Variants in TLDC2 observed in about 807,000 individuals in gnomAD.
The protein encoded by TLDC2 is TBC/LysM-associated domain containing 2.
In TLDC2, 23 loss-of-function variants were observed where a neutral mutation model predicts 27.9. The ratio of observed to expected loss-of-function variants is 0.82; its 90% confidence interval spans 0.59 to 1.17. The LOEUF is 1.17. Ranked by LOEUF, TLDC2 falls within the 50% of genes most tolerant of loss-of-function variation. The probability of loss-of-function intolerance (pLI) is 0.00; values close to 1 mark genes in which losing one functional copy is unlikely to be tolerated. For missense variants in TLDC2, 286 were observed against 273.4 expected, an observed-to-expected ratio of 1.05 and a Z score of -0.32; for synonymous variants, 124 against 107.4, an observed-to-expected ratio of 1.16 and a Z score of -0.96.
intron 6 of TLDC2, chr20:36,890,170 T>C (rs1006758032): frequency 1.3e-5 from 2 of 152,170 alleles, no homozygotes; most frequent in African/African-American, 2.4e-5. Context: ...ATGAGTAATA[T>C]GCATTTTTGG....
intron 3 of TLDC2, among the ~76,000 whole-genome samples, chr20:36,880,060 T>TATATATATAC: frequency 1.0e-5 from 1 of 99,292 alleles, no homozygotes; most frequent in South Asian, 3.6e-4. Context: ...TTGTGTAGAA[T>TATATATATAC]ATATATATAC....
rs867563504 is a variant in TLDC2 at position 36,876,223 on chromosome 20, C to T, written c.33+16C>T. On this transcript the variant is annotated intron_variant, in intron 1 of 6. Transcript: ENST00000217320. ...CACTCGGCTGGTAAGGGTTCCAACT[C>T]CGTCTGTGGTGCAGGTTGGGAGGTG... is the stretch of plus-strand genomic sequence containing the variant. The T allele has an allele frequency of 6.2e-7, 1 of 1,614,156 alleles. No individual in the cohort carries two copies. Among genetic ancestry groups the T allele is most frequent in the Non-Finnish European group, 8.5e-7 (1 of 1,180,008 alleles).
At position 36,878,003 on chromosome 20, in the gene TLDC2, G is replaced by GC; in HGVS notation, c.142dup (p.Gln48ProfsTer102). 6.2e-7 allele frequency: 1 copy of GC among 1,614,100 alleles called. No homozygotes were observed. The highest frequency in any genetic ancestry group is 8.5e-7 in the Non-Finnish European group (1 of 1,179,986). On this transcript the variant is annotated frameshift_variant, in exon 2 of 7. Coordinates refer to ENST00000217320, the MANE Select transcript of TLDC2 (RefSeq NM_080628.3). LOFTEE classifies it high-confidence loss of function. The stretch of plus-strand genomic sequence containing the variant: ...CTGCTGCTCCTGAGGATCCCACGGT[G>GC]CCCCAGCTGACAGAAGCCAGCCAGG...
chr20:36,886,973 G>A (rs1044539011), intron 4 of TLDC2, among the ~76,000 whole-genome samples: 2 of 152,204 alleles, frequency 1.3e-5, no homozygotes, highest in South Asian at 4.1e-4. Flanking sequence ...GGATGCAGAG[G>A]GACCAGCTGG....
chr20:36,878,391 G>A (rs936685376), intron 2 of TLDC2, among the ~76,000 whole-genome samples: 1 of 152,098 alleles, frequency 6.6e-6, no homozygotes, highest in Non-Finnish European at 1.5e-5. Flanking sequence ...GACGAGCCTG[G>A]CCAACATGGC....
intron 3 of TLDC2, among the ~76,000 whole-genome samples, chr20:36,879,760 T>C (rs1989758800): frequency 6.6e-6 from 1 of 150,908 alleles, no homozygotes; most frequent in South Asian, 2.1e-4. Flanking sequence ...TCCCAGCAAC[T>C]GGGGCCAGGG....
intron 1 of TLDC2, among the ~76,000 whole-genome samples, chr20:36,876,920 T>C (rs117683337): frequency 5.1e-4 from 78 of 152,234 alleles, no homozygotes; most frequent in Non-Finnish European, 7.9e-4. Context: ...CCTCCACACA[T>C]TGATGTGCCT....
intron 4 of TLDC2, among the ~76,000 whole-genome samples, chr20:36,885,451 G>A (rs1225580760): frequency 1.3e-5 from 2 of 152,126 alleles, no homozygotes; most frequent in Non-Finnish European, 1.5e-5. Context: ...TCATGAATTC[G>A]GTAGTTCGTT....
rs1990133510 is a variant in TLDC2, at chr20:36,893,595, G to C, written c.*751G>C. The C allele has an allele frequency of 3.1e-6, 1 of 319,618 alleles. No individual in the cohort carries two copies. The highest frequency in any genetic ancestry group is 5.7e-6 in the Non-Finnish European group (1 of 176,988). The allele number at this position is 319,618 out of a possible 1,614,324, so 19.8% of individuals were successfully genotyped here. A position where few individuals can be genotyped will look rare whatever the true frequency, so the allele number is the denominator to read the frequency against. On this transcript the variant is annotated 3_prime_UTR_variant, in exon 7 of 7. Coordinates refer to ENST00000217320, the MANE Select transcript of TLDC2 (RefSeq NM_080628.3). ...GCTCCTCCACCCAAAATAAGGGAGA[G>C]ATCCAAAGGGAGGCGATACAATGAC... is the stretch of plus-strand genomic sequence containing the variant.
intron 3 of TLDC2, among the ~76,000 whole-genome samples, chr20:36,879,715 A>G (rs2148344657): frequency 6.6e-6 from 1 of 151,836 alleles, no homozygotes; most frequent in Non-Finnish European, 1.5e-5. Context: ...ACAACCACAA[A>G]AAAATTAGCC....
At chr20:36,890,418 C>CTTTCTTTCT (rs1555830170) in intron 6 of TLDC2, 10 of 17,802 alleles carry the variant, frequency 5.6e-4, no homozygotes, top group Admixed American at 3.6e-3. Context: ...TTCTTTCTTT[C>CTTTCTTTCT]TTTTCTTTCT....
intron 2 of TLDC2, 69 bp downstream of exon 2, chr20:36,878,123 C>T (rs1164021961): frequency 4.0e-6 from 6 of 1,501,036 alleles, no homozygotes; most frequent in Non-Finnish European, 5.4e-6. Context: ...CTGCCCTACA[C>T]CAGCCACGCC....
chr20:36,893,026 T>G lies in TLDC2; in HGVS notation c.*182T>G. 6.2e-7 allele frequency: 1 copy of G among 1,613,728 alleles called. No homozygotes were observed. Among genetic ancestry groups the G allele is most frequent in the Non-Finnish European group, 8.5e-7 (1 of 1,179,802 alleles). ...GACTGAAGTACTGTCGTTCCATTCC[T>G]TTTTTTGAGGTGTTATGAGTGGGGC... On this transcript the variant is annotated 3_prime_UTR_variant, in exon 7 of 7. Coordinates refer to ENST00000217320, the MANE Select transcript of TLDC2 (RefSeq NM_080628.3).
At chr20:36,884,764 AAAAT>A (rs11472647) in intron 4 of TLDC2, among the ~76,000 whole-genome samples, 14,642 of 144,580 alleles carry the variant, frequency 0.1, 931 homozygotes, top group Middle Eastern at 0.15. Flanking sequence ...CCTGTCTCTA[AAAAT>A]AAATAAATAA....
Position 36,879,134 on chromosome 20 carries a change from C to A in TLDC2, c.283C>A (p.Arg95=), listed in dbSNP as rs375544929. 6.2e-7 allele frequency: 1 copy of A among 1,614,012 alleles called. No homozygotes were observed. ...RDGFSLQSLY[R]RMEGCSGPVL... The stretch of plus-strand genomic sequence containing the variant: ...CGGTTTCAGCCTGCAGAGCCTGTAC[C>A]GGCGGATGGAGGGCTGCAGCGGGCC... Residue 95 remains arginine, a synonymous_variant, in exon 3 of 7, where the codon CGG becomes AGG. Coordinates refer to ENST00000217320, the MANE Select transcript of TLDC2 (RefSeq NM_080628.3).
At chr20:36,887,356 G>A in intron 4 of TLDC2, 99 bp from the exon 5 acceptor site, 1 of 1,097,532 alleles carries the variant, frequency 9.1e-7, no homozygotes, top group Non-Finnish European at 1.4e-6. Context: ...CCTGGATGCT[G>A]TTCCCGCCAC....
intron 3 of TLDC2, among the ~76,000 whole-genome samples, chr20:36,880,076 T>TATATATATATATATATATATATATAC: frequency 2.5e-5 from 1 of 39,552 alleles, no homozygotes; most frequent in Admixed American, 2.5e-4. Context: ...TATACATATA[T>TATATATATATATATATATATATATAC]ATATATATAT....
intron 2 of TLDC2, among the ~76,000 whole-genome samples, chr20:36,878,458 G>A (rs1946349697): frequency 1.3e-5 from 2 of 152,148 alleles, no homozygotes; most frequent in East Asian, 1.9e-4. Context: ...GTGTGCACCT[G>A]TAGTCTCAGC....
At chr20:36,886,344 C>A (rs978730450) in intron 4 of TLDC2, among the ~76,000 whole-genome samples, 1 of 152,098 alleles carries the variant, frequency 6.6e-6, no homozygotes, top group Non-Finnish European at 1.5e-5. Context: ...GCCTGTAATC[C>A]CAGCTCTTTG....
Sources: allele counts gnomAD v4.1 joint callset (sites outside exome capture counted in the v4.1 genomes callset), GRCh38; gene constraint gnomAD v4.1.1; transcripts MANE v1.5; gene names NCBI Gene and HGNC (gene_info 2026-07-23, HGNC 2026-07-21).